TLE3: variants seen among roughly 807,000 people sequenced by gnomAD.
The protein encoded by TLE3 is TLE family member 3, transcriptional corepressor.
In TLE3, 14 loss-of-function variants were observed where a neutral mutation model predicts 93.0. That is an observed-to-expected ratio of 0.15 (90% CI 0.10 to 0.24). The LOEUF is 0.24. Ranked by LOEUF, TLE3 falls within the 10% of genes least tolerant of loss-of-function variation. TLE3 has a pLI of 1.00. For missense variants in TLE3, 693 were observed against 1,046.6 expected (o/e 0.66, Z 4.66); for synonymous variants, 451 against 425.0 (o/e 1.06, Z -0.75).
intron 6 of TLE3, among the ~76,000 whole-genome samples, chr15:70,073,708 C>T (rs1363995120): frequency 6.6e-6 from 1 of 152,172 alleles, no homozygotes; most frequent in Non-Finnish European, 1.5e-5. Context: ...ACAGGTACAC[C>T]CCAAGGGTAA....
At chr15:70,064,547 T>A (rs911893798) in intron 7 of TLE3, 77 bp from the exon 8 acceptor site, 3 of 1,593,824 alleles carry the variant, frequency 1.9e-6, no homozygotes, top group Non-Finnish European at 2.6e-6. Context: ...AGGAAAAAGG[T>A]CAGTCTAAGT....
At chr15:70,079,543 C>T in intron 4 of TLE3, 1 of 401,088 alleles carries the variant, frequency 2.5e-6, no homozygotes, top group South Asian at 1.8e-5. Context: ...GGGGTCTCCC[C>T]ACAAAGTGGA....
chr15:70,058,789 C>T lies in TLE3; in HGVS notation c.792G>A (p.Pro264=), dbSNP rs749519537. 15 of 1,600,510 alleles carry T rather than the reference C, an allele frequency of 9.4e-6. No individual in the cohort carries two copies. The highest frequency in any genetic ancestry group is 4.5e-5 in the East Asian group (2 of 44,664). ...GCCCATTTTCAGGAGGGGAGTGTGCCGGGCTGACCCGGGGCGTTGCGGGGT... is the reference window on the plus strand; with the variant it reads ...GCCCATTTTCAGGAGGGGAGTGTGCTGGGCTGACCCGGGGCGTTGCGGGGT... ...NEDPATPRVS[P]AHSPPENGLD... Residue 264 remains proline (P), a synonymous_variant, in exon 11 of 20, where the codon CCG becomes CCA. Coordinates refer to ENST00000451782, the MANE Select transcript of TLE3 (RefSeq NM_001105192.3). The surrounding 1 kb of genome is among the most constrained non-coding windows in gnomAD (Gnocchi z 4.1).
At chr15:70,074,792 T>A (rs995721584) in intron 5 of TLE3, among the ~76,000 whole-genome samples, 185 bp from the exon 6 acceptor site, 1 of 152,224 alleles carries the variant, frequency 6.6e-6, no homozygotes, top group African/African-American at 2.4e-5. Context: ...TTAGACCTTT[T>A]TCAATGAGCA....
chr15:70,096,624 G>GC, intron 1 of TLE3, 151 bp downstream of exon 1: 2 of 1,544,824 alleles, frequency 1.3e-6, no homozygotes, highest in South Asian at 1.2e-5. Context: ...TCTCAACGGC[G>GC]CCCCCCGGCC....
intron 4 of TLE3, among the ~76,000 whole-genome samples, chr15:70,089,564 C>T (rs569886607): frequency 6.6e-6 from 1 of 152,290 alleles, no homozygotes; most frequent in South Asian, 2.1e-4. Context: ...TCTCAGATAA[C>T]CTGAGTAAAT....
chr15:70,083,679 G>T (rs2141942315), intron 4 of TLE3, among the ~76,000 whole-genome samples: 1 of 150,320 alleles, frequency 6.7e-6, no homozygotes, highest in South Asian at 2.1e-4. Context: ...AATCCCCCTT[G>T]GAACATTATG....
intron 1 of TLE3, 115 bp from the exon 2 acceptor site, chr15:70,096,376 A>G: frequency 3.4e-6 from 5 of 1,482,322 alleles, no homozygotes; most frequent in Admixed American, 2.6e-5. Flanking sequence ...TCAGCCCAGA[A>G]CCTTCCCAGC....
At chr15:70,070,958 C>T (rs1054666500) in intron 6 of TLE3, among the ~76,000 whole-genome samples, 3 of 152,194 alleles carry the variant, frequency 2.0e-5, no homozygotes, top group African/African-American at 7.2e-5. Flanking sequence ...AGTCAATGCT[C>T]TGTGACATCT....
rs368138413 is a variant in TLE3, at chr15:70,053,531, C to T, written c.1827-157G>A. ...AGCGAGCTTGCAGCAAAGCTAGCCC[C>T]GGCCTCTTTCCAGTTCCAGGCCTCT... is the stretch of plus-strand genomic sequence containing the variant. On this transcript the variant is annotated intron_variant, in intron 16 of 19. Transcript: ENST00000451782. 35 of 846,232 alleles carry T rather than the reference C, an allele frequency of 4.1e-5. No homozygotes were observed. In the Admixed American group the frequency reaches 5.2e-4, roughly 13 times the overall value. The allele number at this position is 846,232 out of a possible 1,614,324, so 52.4% of individuals were successfully genotyped here.
chr15:70,060,626 T>A lies in TLE3; in HGVS notation c.618A>T (p.Glu206Asp). The change falls in exon 9 of 20, where the codon GAA becomes GAT. Residue 206 changes from glutamate (E) to aspartate (D), a missense_variant. Physicochemically the swap from Glu to Asp is conservative, Grantham distance 45. Transcript: ENST00000451782. ...GGTGCTTCTCACTGGCCCGGAGGCT[T>A]TCCGAGGGTGACACAGAGTTATTCT... ...SSANNSVSPS[E>D]SLRASEKHRG... 8 of 1,613,960 alleles carry A rather than the reference T, an allele frequency of 5.0e-6. No homozygotes were observed. The highest frequency in any genetic ancestry group is 6.8e-6 in the Non-Finnish European group (8 of 1,179,862).
At chr15:70,071,109 C>T (rs940395994) in intron 6 of TLE3, among the ~76,000 whole-genome samples, 3 of 152,094 alleles carry the variant, frequency 2.0e-5, no homozygotes, top group Admixed American at 6.6e-5. Context: ...GGTGATATAT[C>T]GGCTCAAAGG....
intron 3 of TLE3, chr15:70,095,280 C>G: frequency 7.6e-7 from 1 of 1,308,976 alleles, no homozygotes. Context: ...AGGGCAATGG[C>G]AATCAGCCCC....
intron 4 of TLE3, among the ~76,000 whole-genome samples, chr15:70,081,366 G>A (rs1237149027): frequency 6.6e-6 from 1 of 152,266 alleles, no homozygotes; most frequent in Non-Finnish European, 1.5e-5. Context: ...ACCTTGAGAT[G>A]TGGATGGATG....
intron 13 of TLE3, among the ~76,000 whole-genome samples, 162 bp from the exon 14 acceptor site, chr15:70,056,536 C>G (rs954136059): frequency 6.6e-6 from 1 of 152,170 alleles, no homozygotes; most frequent in Admixed American, 6.5e-5. Flanking sequence ...AGAGGAGACA[C>G]AGGCCCAGGA....
intron 6 of TLE3, among the ~76,000 whole-genome samples, chr15:70,072,565 A>G (rs2057239624): frequency 6.6e-6 from 1 of 152,240 alleles, no homozygotes; most frequent in African/African-American, 2.4e-5. Flanking sequence ...GCCACCCTCC[A>G]GGGCTGCACC....
Position 70,096,219 on chromosome 15 carries a change from C to A in TLE3, c.67G>T (p.Ala23Ser). ...PGQPGFKFTV[A>S]ESCDRIKDEF... ...TCTTTGATCCTGTCACAAGACTCAG[C>A]CACCGTGAATTTAAATCCCGGCTGC... The change falls in exon 2 of 20, where the codon GCT becomes TCT. Residue 23 changes from alanine to serine, a missense_variant. This residue lies in a region of TLE3 where 104 missense variants were observed against 173.8 expected (regional missense o/e 0.60). Coordinates refer to ENST00000451782, the MANE Select transcript of TLE3 (RefSeq NM_001105192.3). 7 of 1,561,060 alleles carry A rather than the reference C, an allele frequency of 4.5e-6. No homozygotes were observed. Among genetic ancestry groups the A allele is most frequent in the Non-Finnish European group, 6.1e-6 (7 of 1,152,372 alleles).
In TLE3 at chr15:70,057,439, G is replaced by A. The variant is rs1406178406; in HGVS notation, c.1251+20C>T. ...ACACCACGCCCAGTCCCCAAGAAAG[G>A]AGCCAAAAGGTCTACGTACAGCTCC... On this transcript the variant is annotated intron_variant, in intron 13 of 19. Coordinates refer to ENST00000451782, the MANE Select transcript of TLE3 (RefSeq NM_001105192.3). 1 of 1,573,416 alleles carries A rather than the reference G, an allele frequency of 6.4e-7. No individual in the cohort carries two copies. Among genetic ancestry groups the A allele is most frequent in the Non-Finnish European group, 8.6e-7 (1 of 1,158,562 alleles).
Position 70,058,379 on chromosome 15 carries a change from A to G in TLE3, c.919-88T>C. The G allele has an allele frequency of 6.6e-7, 1 of 1,517,918 alleles. No homozygotes were observed. The highest frequency in any genetic ancestry group is 2.3e-5 in the East Asian group (1 of 44,066). 94.0% of individuals were successfully genotyped at this position (1,517,918 alleles called of 1,614,324 possible). Reference sequence around the variant, plus strand: ...ACAACTGGTGCCGGTCCCAACGTGAAGCCCAGAGCCAGACCCTTATGAAGC... The same window carrying G: ...ACAACTGGTGCCGGTCCCAACGTGAGGCCCAGAGCCAGACCCTTATGAAGC... On this transcript the variant is annotated intron_variant, in intron 11 of 19. Coordinates refer to ENST00000451782, the MANE Select transcript of TLE3 (RefSeq NM_001105192.3). This position sits in a 1 kb window ranked among gnomAD's most constrained non-coding sequence, Gnocchi z 4.1.
Sources: allele counts gnomAD v4.1 joint callset (sites outside exome capture counted in the v4.1 genomes callset), GRCh38; gene constraint gnomAD v4.1.1; regional missense constraint gnomAD v4.1.1; non-coding constraint Gnocchi (gnomAD v3.1); transcripts MANE v1.5; gene names NCBI Gene and HGNC (gene_info 2026-07-23, HGNC 2026-07-21).